The following ZNF565 variants were observed in gnomAD, a reference collection of about 807,000 sequenced individuals.
ZNF565 encodes zinc finger protein 565.
ZNF565 carries 27 observed loss-of-function variants against 39.4 expected under a neutral mutation model. The observed-to-expected ratio is 0.69, with a 90% confidence interval of 0.51 to 0.95. The LOEUF is 0.95. ZNF565 is among the 40% of genes least tolerant of loss of function. The probability of loss-of-function intolerance (pLI) is 0.00; values close to 1 mark genes in which losing one functional copy is unlikely to be tolerated. For synonymous variants in ZNF565, 185 were observed against 216.6 expected, an observed-to-expected ratio of 0.85 and a Z score of 1.28; for missense variants, 524 against 621.1, an observed-to-expected ratio of 0.84 and a Z score of 1.66.
chr19:36,193,230 G>A (rs8107260), intron 4 of ZNF565, among the ~76,000 whole-genome samples: 64,636 of 151,300 alleles, frequency 0.43, 14,070 homozygotes, highest in African/African-American at 0.52. Flanking sequence ...TGATCCGCCC[G>A]CCTCAGCCTC....
intron 2 of ZNF565, among the ~76,000 whole-genome samples, chr19:36,201,341 A>G (rs1975959206): frequency 6.6e-6 from 1 of 151,826 alleles, no homozygotes; most frequent in Admixed American, 6.6e-5. Flanking sequence ...GAAAGAAACC[A>G]CCCAAGACAA....
chr19:36,238,052 G>C (rs1977709583), intron 1 of ZNF565: 1 of 167,104 alleles, frequency 6.0e-6, no homozygotes, highest in South Asian at 2.1e-4. Flanking sequence ...GATATTTACT[G>C]TGGCTTGATT....
At chr19:36,232,987 T>G (rs1977454272) in intron 1 of ZNF565, among the ~76,000 whole-genome samples, 1 of 152,208 alleles carries the variant, frequency 6.6e-6, no homozygotes, top group Non-Finnish European at 1.5e-5. Context: ...ATAATTAATA[T>G]TTTGCCACGC....
Position 36,182,503 on chromosome 19 carries a change from G to A in ZNF565, c.1463C>T (p.Ser488Leu). The A allele has an allele frequency of 6.3e-7, 1 of 1,592,934 alleles. No homozygotes were observed. The highest frequency in any genetic ancestry group is 1.2e-5 in the South Asian group (1 of 86,440). The change falls in exon 5 of 5, where the codon TCA (serine) becomes TTA (leucine). Residue 488 changes from serine to leucine, a missense_variant. By Grantham distance (145) the Ser-to-Leu change is moderately radical. Transcript: ENST00000304116. Reference sequence around the variant, plus strand: ...AATTCTGTAGTGTTCAATGAGTTGTGAGCCAAGAATAAATGCCTGCCCACA... The same window carrying A: ...AATTCTGTAGTGTTCAATGAGTTGTAAGCCAAGAATAAATGCCTGCCCACA... ...RECGQAFILGSQLIEHYRIHT... is the reference protein window; with the variant it reads ...RECGQAFILGLQLIEHYRIHT...
At chr19:36,239,830 T>C (rs905127978) in intron 1 of ZNF565, among the ~76,000 whole-genome samples, 1 of 152,098 alleles carries the variant, frequency 6.6e-6, no homozygotes, top group Non-Finnish European at 1.5e-5. Context: ...TCATGAAAAT[T>C]TTTTTATTCT....
At chr19:36,239,422 A>G (rs939402546) in intron 1 of ZNF565, among the ~76,000 whole-genome samples, 2 of 151,206 alleles carry the variant, frequency 1.3e-5, no homozygotes, top group Non-Finnish European at 2.9e-5. Context: ...TACTGGGCTC[A>G]AGCAGTCCTC....
chr19:36,210,065 C>T (rs1976295643), intron 1 of ZNF565, among the ~76,000 whole-genome samples: 1 of 151,828 alleles, frequency 6.6e-6, no homozygotes, highest in African/African-American at 2.4e-5. Flanking sequence ...GAGCTCAAGA[C>T]CAGCCTGGGC....
At chr19:36,236,911 A>G (rs1342456459) in intron 1 of ZNF565, 2 of 1,614,018 alleles carry the variant, frequency 1.2e-6, no homozygotes, top group Non-Finnish European at 1.7e-6. Context: ...AGCCTTTTAA[A>G]TGTAGTGAAT....
Position 36,183,224 on chromosome 19 carries a change from C to T in ZNF565, c.742G>A (p.Val248Ile), listed in dbSNP as rs1327984810. The T allele has an allele frequency of 6.2e-7, 1 of 1,614,006 alleles. No individual in the cohort carries two copies. The highest frequency in any genetic ancestry group is 1.1e-5 in the South Asian group (1 of 91,090). Residue 248 changes from valine to isoleucine, a missense_variant, in exon 5 of 5, where the codon GTC becomes ATC. Transcript: ENST00000304116. Reference sequence around the variant, plus strand: ...CATTCTTTACATTCATAAGGTTTGACACCAGTATGAAGTCTCTGATGTAGA... The same window carrying T: ...CATTCTTTACATTCATAAGGTTTGATACCAGTATGAAGTCTCTGATGTAGA... ...LILHQRLHTG[V>I]KPYECKECGK...
At chr19:36,242,047 TAA>T (rs1395685052) in intron 1 of ZNF565, among the ~76,000 whole-genome samples, 3 of 152,206 alleles carry the variant, frequency 2.0e-5, no homozygotes, top group African/African-American at 4.8e-5. Context: ...TGTAAACATT[TAA>T]AACTTTGTGT....
intron 4 of ZNF565, among the ~76,000 whole-genome samples, chr19:36,190,976 A>G (rs1398319717): frequency 2.2e-5 from 3 of 137,094 alleles, no homozygotes; most frequent in African/African-American, 5.5e-5. Context: ...TGGGTGACAG[A>G]GTGAGACTCT....
intron 1 of ZNF565, chr19:36,237,306 T>C (rs1977678377): frequency 6.2e-7 from 1 of 1,603,258 alleles, no homozygotes; most frequent in South Asian, 1.1e-5. Flanking sequence ...CACCAGAAAA[T>C]TCATACTCAC....
At chr19:36,237,878 G>A (rs2145473989) in intron 1 of ZNF565, 1 of 167,090 alleles carries the variant, frequency 6.0e-6, no homozygotes, top group South Asian at 2.1e-4. Context: ...AATAGACCAT[G>A]AACTATACAC....
chr19:36,245,695 C>T lies in ZNF565; in HGVS notation c.-165G>A. On this transcript the variant is annotated 5_prime_UTR_variant, in exon 1 of 5. Coordinates refer to the ZNF565 transcript ENST00000355114. This position sits in a 1 kb window ranked among gnomAD's most constrained non-coding sequence, Gnocchi z 4.4. ...ATGGGTTCAGGGTCTCTTAAGGACC[C>T]TCCGTTGACGATGCCTCGAGCTATG... is the stretch of plus-strand genomic sequence containing the variant. 1.6e-6 allele frequency: 1 copy of T among 610,294 alleles called. No individual in the cohort carries two copies. The highest frequency in any genetic ancestry group is 2.9e-6 in the Non-Finnish European group (1 of 339,682). 37.8% of individuals were successfully genotyped at this position (610,294 alleles called of 1,614,324 possible). A position where few individuals can be genotyped will look rare whatever the true frequency, so the allele number is the denominator to read the frequency against.
chr19:36,189,677 A>G (rs533715617), intron 4 of ZNF565, among the ~76,000 whole-genome samples: 60 of 152,158 alleles, frequency 3.9e-4, no homozygotes, highest in African/African-American at 1.1e-3. Context: ...ATAAAAGATT[A>G]TTATTTTTCA....
chr19:36,196,841 T>C (rs1975776508), intron 2 of ZNF565, among the ~76,000 whole-genome samples: 1 of 152,080 alleles, frequency 6.6e-6, no homozygotes, highest in Admixed American at 6.6e-5. Context: ...GTGAATCACC[T>C]GAGGTCAGGA....
chr19:36,222,719 C>T (rs2432047), intron 1 of ZNF565, among the ~76,000 whole-genome samples: 150,129 of 150,132 alleles, frequency 1, 75,063 homozygotes, highest in Non-Finnish European at 1. Flanking sequence ...GGGGTGTCTT[C>T]TCCTTAGAGG....
At chr19:36,205,755 C>T (rs1418263319) in intron 1 of ZNF565, among the ~76,000 whole-genome samples, 1 of 151,512 alleles carries the variant, frequency 6.6e-6, no homozygotes, top group Non-Finnish European at 1.5e-5. Context: ...AGGACATTGG[C>T]AGCAGAAAAG....
chr19:36,213,813 G>A (rs1364935557), intron 1 of ZNF565, among the ~76,000 whole-genome samples: 1 of 150,288 alleles, frequency 6.7e-6, no homozygotes. Flanking sequence ...ATCCACTCCT[G>A]AGACACAGGA....
Sources: gnomAD v4.1 joint callset for allele counts (sites outside exome capture counted in the v4.1 genomes callset) on GRCh38, gnomAD v4.1.1 for gene constraint, Gnocchi (gnomAD v3.1) non-coding constraint, MANE v1.5 for transcripts, NCBI Gene and HGNC (gene_info 2026-07-23, HGNC 2026-07-21) for gene names.